STK32B: variants seen among roughly 807,000 people sequenced by gnomAD.
The protein encoded by STK32B is serine/threonine-protein kinase 32B.
Under a neutral mutation model 52.6 loss-of-function variants are expected in STK32B, and 43 were observed. The ratio of observed to expected loss-of-function variants is 0.82; its 90% CI spans 0.64 to 1.05. The LOEUF (loss-of-function observed/expected upper bound fraction) is 1.05. Among genes scored for constraint, STK32B ranks in the 50% least tolerant of loss-of-function variants. The pLI, the probability that STK32B is intolerant of heterozygous loss-of-function variation, is 0.00. For synonymous variants in STK32B, 238 were observed against 204.3 expected (o/e 1.17, Z -1.41); for missense variants, 621 against 534.6 (o/e 1.16, Z -1.59).
At chr4:5,457,938 G>GGGAAGGAA (rs3078908) in intron 8 of STK32B, among the ~76,000 whole-genome samples, 13 of 137,956 alleles carry the variant, frequency 9.4e-5, no homozygotes, top group African/African-American at 2.8e-4. Context: ...GAGGGAGGGA[G>GGGAAGGAA]GGAAGGAAGG....
intron 4 of STK32B, among the ~76,000 whole-genome samples, chr4:5,389,086 G>A (rs1406198829): frequency 6.6e-6 from 1 of 152,210 alleles, no homozygotes; most frequent in East Asian, 1.9e-4. Context: ...GATTTGAGTA[G>A]CAGCATGGGG....
At chr4:5,449,241 T>A (rs1577521424) in intron 7 of STK32B, among the ~76,000 whole-genome samples, 1 of 151,864 alleles carries the variant, frequency 6.6e-6, no homozygotes, top group East Asian at 1.9e-4. Context: ...TAGTCGAGAG[T>A]CTGAGGCAGG....
chr4:5,108,855 G>A (rs866369556), intron 1 of STK32B, among the ~76,000 whole-genome samples: 18 of 152,146 alleles, frequency 1.2e-4, no homozygotes, highest in African/African-American at 3.6e-4. Context: ...GCAAAAACAG[G>A]AGAGTGGCTA....
At chr4:5,242,585 G>A (rs953009950) in intron 3 of STK32B, among the ~76,000 whole-genome samples, 4 of 152,188 alleles carry the variant, frequency 2.6e-5, no homozygotes, top group Non-Finnish European at 5.9e-5. Context: ...AGTTTAATTA[G>A]ATCCCATTTG....
intron 3 of STK32B, among the ~76,000 whole-genome samples, chr4:5,262,852 T>C (rs1285631219): frequency 1.3e-5 from 2 of 152,168 alleles, no homozygotes; most frequent in Non-Finnish European, 2.9e-5. Flanking sequence ...TTAATACTCA[T>C]TGCTTTTTTG....
At chr4:5,484,655 C>T (rs1237379458) in intron 11 of STK32B, among the ~76,000 whole-genome samples, 7 of 152,136 alleles carry the variant, frequency 4.6e-5, no homozygotes, top group Admixed American at 4.6e-4. Flanking sequence ...TTATTTTGCT[C>T]GTTAGTTGAT....
At chr4:5,364,745 C>A (rs1734768113) in intron 4 of STK32B, among the ~76,000 whole-genome samples, 1 of 152,104 alleles carries the variant, frequency 6.6e-6, no homozygotes, top group Non-Finnish European at 1.5e-5. Context: ...TCATGCTAAG[C>A]AGAAGAAAAA....
chr4:5,257,012 T>A (rs1204544880), intron 3 of STK32B, among the ~76,000 whole-genome samples: 1 of 152,128 alleles, frequency 6.6e-6, no homozygotes, highest in African/African-American at 2.4e-5. Flanking sequence ...AGTGAGTGGA[T>A]GAATAAGTGA....
At chr4:5,095,473 G>C (rs1013162187) in intron 1 of STK32B, among the ~76,000 whole-genome samples, 2 of 152,102 alleles carry the variant, frequency 1.3e-5, no homozygotes, top group African/African-American at 4.8e-5. Context: ...AAACTAGCCA[G>C]GCGTGGTGGC....
chr4:5,262,265 C>G (rs1452823826), intron 3 of STK32B, among the ~76,000 whole-genome samples: 3 of 152,158 alleles, frequency 2.0e-5, no homozygotes, highest in Admixed American at 6.5e-5. Context: ...AGCATCCTCT[C>G]TCCCTTGCTG....
At chr4:5,257,942 CAAAAAAGAAAAAGA>C (rs761301826) in intron 3 of STK32B, among the ~76,000 whole-genome samples, 34 of 151,642 alleles carry the variant, frequency 2.2e-4, no homozygotes, top group South Asian at 1.2e-3. Context: ...GACTCCATCT[CAAAAAAGAAAAAGA>C]AAAAAAGAAA....
intron 7 of STK32B, 86 bp downstream of exon 7, chr4:5,446,862 C>A (rs930664226): frequency 1.5e-6 from 2 of 1,367,780 alleles, no homozygotes; most frequent in Non-Finnish European, 2.1e-6. Context: ...CGGCAGGGCC[C>A]GCGGTGCAGG....
chr4:5,254,965 A>AATAT (rs146017036), intron 3 of STK32B, among the ~76,000 whole-genome samples: 17,068 of 144,338 alleles, frequency 0.12, 3,521 homozygotes, highest in African/African-American at 0.4. Context: ...ATCATTCACT[A>AATAT]ATATATATAT....
intron 5 of STK32B, among the ~76,000 whole-genome samples, chr4:5,416,549 A>G (rs1050646007): frequency 6.6e-6 from 1 of 152,182 alleles, no homozygotes; most frequent in South Asian, 2.1e-4. Context: ...GACCTGTCTC[A>G]GTTATTTCTA....
intron 4 of STK32B, among the ~76,000 whole-genome samples, chr4:5,372,776 C>G (rs923367478): frequency 5.3e-5 from 8 of 151,770 alleles, no homozygotes; most frequent in African/African-American, 1.7e-4. Flanking sequence ...TTCTGCCACG[C>G]ATCAGTATTT....
chr4:5,251,075 T>A (rs1725894831), intron 3 of STK32B, among the ~76,000 whole-genome samples: 1 of 152,218 alleles, frequency 6.6e-6, no homozygotes, highest in Non-Finnish European at 1.5e-5. Context: ...AGGTTCCATT[T>A]GTCAATTTTG....
chr4:5,300,079 A>T (rs1729458598), intron 3 of STK32B, among the ~76,000 whole-genome samples: 2 of 152,238 alleles, frequency 1.3e-5, no homozygotes, highest in African/African-American at 4.8e-5. Context: ...CACATCAAAA[A>T]GTTAATTGGC....
At chr4:5,207,543 A>G (rs188866122) in intron 3 of STK32B, among the ~76,000 whole-genome samples, 1 of 152,110 alleles carries the variant, frequency 6.6e-6, no homozygotes, top group Non-Finnish European at 1.5e-5. Context: ...TGTATAAATT[A>G]CCCAGTCTCA....
the STK32B span, among the ~76,000 whole-genome samples, chr4:5,042,645 C>T: frequency 5.9e-5 from 9 of 152,242 alleles, no homozygotes; most frequent in African/African-American, 1.9e-4. Flanking sequence ...CAAAGGGGAG[C>T]GAGGTAGAGT....
Sources: gnomAD v4.1 joint callset for allele counts (sites outside exome capture counted in the v4.1 genomes callset) on GRCh38, gnomAD v4.1.1 for gene constraint, MANE v1.5 for transcripts, NCBI Gene and HGNC (gene_info 2026-07-23, HGNC 2026-07-21) for gene names.